Variants in NDE1 observed in about 807,000 individuals in gnomAD.
The protein encoded by NDE1 is nuclear distribution protein nudE homolog 1.
In NDE1, 28 loss-of-function variants were observed where a neutral mutation model predicts 43.4. The observed-to-expected ratio is 0.65, with a 90% CI of 0.48 to 0.89. The LOEUF (loss-of-function observed/expected upper bound fraction) is 0.89, where lower values mean the gene tolerates loss of function less well. NDE1 is among the 40% of genes least tolerant of loss of function. The pLI is 0.00. For synonymous variants in NDE1, 184 were observed against 172.0 expected, an observed-to-expected ratio of 1.07 and a Z score of -0.55; for missense variants, 441 against 434.1, an observed-to-expected ratio of 1.02 and a Z score of -0.14.
intron 4 of NDE1, chr16:15,684,539 G>A (rs187575199): frequency 2.7e-4 from 40 of 148,924 alleles, no homozygotes; most frequent in African/African-American, 8.7e-4. Context: ...GTTGCACTCC[G>A]CCTGGGTGAC....
chr16:15,681,735 C>CA (rs778053993), intron 4 of NDE1, among the ~76,000 whole-genome samples: 23 of 152,242 alleles, frequency 1.5e-4, no homozygotes, highest in Middle Eastern at 3.4e-3. Context: ...TGTTTTGAGT[C>CA]AGAGTCTTGC....
At chr16:15,667,884 A>G (rs961335839) in intron 3 of NDE1, among the ~76,000 whole-genome samples, 2 of 151,058 alleles carry the variant, frequency 1.3e-5, no homozygotes, top group African/African-American at 4.9e-5. Context: ...TGATGGGTGG[A>G]GCTTTGAGAA....
rs202231621 is a variant in NDE1, at chr16:15,720,967, G to A, written c.948-3224G>A. ...AGTTTGGCGTCCTCCGTGGCTTGCA[G>A]CTCGTCCTCCAGCTCTTCCAGCTGC... On this transcript the variant is annotated intron_variant, in intron 8 of 8. Coordinates refer to ENST00000396354, the MANE Select transcript of NDE1 (RefSeq NM_017668.3). 59 of 1,614,062 alleles carry A rather than the reference G, an allele frequency of 3.7e-5. No individual in the cohort carries two copies. In the African/African-American group the frequency reaches 6.9e-4, roughly 19 times the overall value.
chr16:15,667,385 CAG>C lies in NDE1; in HGVS notation c.187_188del (p.Asp63ProfsTer6). On this transcript the variant is annotated frameshift_variant, in exon 3 of 9. Transcript: ENST00000396354. LOFTEE classifies it high-confidence loss of function. ...AGCTGCAACAAATTGAAACCAGGAA[CAG>C]AGACCTCCTGTCCGAAAATAACCGC... ...TQLQQIETRNRDLLSENNRLR... is the reference protein window; with the variant it reads ...TQLQQIETRNXDLLSENNRLR... 6.2e-7 allele frequency: 1 copy of C among 1,613,980 alleles called. No individual in the cohort carries two copies. Among genetic ancestry groups the C allele is most frequent in the Non-Finnish European group, 8.5e-7 (1 of 1,179,956 alleles).
At chr16:15,643,411 C>A in exon 1 of NDE1, 1 of 474,284 alleles carries the variant, frequency 2.1e-6, no homozygotes, top group Non-Finnish European at 4.3e-6. Flanking sequence ...CCTGGCTTCA[C>A]GTTGTGGAGT....
chr16:15,721,395 C>T (rs375021991), intron 8 of NDE1: 40 of 1,612,490 alleles, frequency 2.5e-5, no homozygotes, highest in African/African-American at 1.7e-4. Flanking sequence ...GAAACATGGA[C>T]GAGAAAAACC....
chr16:15,647,571 C>T (rs1038328143), upstream of NDE1, among the ~76,000 whole-genome samples: 6 of 152,194 alleles, frequency 3.9e-5, no homozygotes, highest in African/African-American at 1.2e-4. Context: ...CCCGTTGTAT[C>T]AAATGGGCTT....
At chr16:15,719,087 C>T in intron 8 of NDE1, 1 of 850,304 alleles carries the variant, frequency 1.2e-6, no homozygotes, top group Non-Finnish European at 1.9e-6. Flanking sequence ...AAGATTGTGC[C>T]ACTGCCCTCC....
intron 1 of NDE1, among the ~76,000 whole-genome samples, chr16:15,655,480 C>T (rs1421972361): frequency 1.3e-5 from 2 of 152,182 alleles, no homozygotes; most frequent in Non-Finnish European, 2.9e-5. Context: ...AGGCAAAAAT[C>T]TTATACTTTT....
intron 8 of NDE1, chr16:15,697,135 C>A: frequency 1.1e-6 from 1 of 889,468 alleles, no homozygotes; most frequent in Non-Finnish European, 1.3e-6. Flanking sequence ...CCTCTGCCTC[C>A]CAGCTCAAAC....
chr16:15,720,214 C>G lies in NDE1; in HGVS notation c.948-3977C>G, dbSNP rs571540776. The G allele has an allele frequency of 1.6e-5, 26 of 1,614,028 alleles. No individual in the cohort carries two copies. The highest frequency in any genetic ancestry group is 2.0e-5 in the Non-Finnish European group (24 of 1,180,044). On this transcript the variant is annotated intron_variant, in intron 8 of 8. Coordinates refer to ENST00000396354, the MANE Select transcript of NDE1 (RefSeq NM_017668.3). ...CCTTGATGGCAGAGTCGGCCTGAAG[C>G]TCCAGGTCTTTCAGGTCCCCTTCCA...
intron 8 of NDE1, chr16:15,721,702 C>A (rs968946577): frequency 5.9e-6 from 9 of 1,531,044 alleles, no homozygotes; most frequent in African/African-American, 1.4e-5. Context: ...TTGTAAATAC[C>A]GGGGGAAGCC....
intron 8 of NDE1, chr16:15,718,108 C>T: frequency 2.6e-6 from 2 of 762,524 alleles, no homozygotes; most frequent in Non-Finnish European, 4.2e-6. Flanking sequence ...AAATGAGACA[C>T]TGCAGCGTGG....
chr16:15,718,693 C>T lies in NDE1; in HGVS notation c.948-5498C>T, dbSNP rs148305743. On this transcript the variant is annotated intron_variant, in intron 8 of 8. Coordinates refer to ENST00000396354, the MANE Select transcript of NDE1 (RefSeq NM_017668.3). ...TCCTCCCTGACTCTTCCTGGCCTCC[C>T]CTTCTCCCCACACAGCTACTTATTG... 980 of 574,484 alleles carry T rather than the reference C, an allele frequency of 1.7e-3. 7 individuals are homozygous for T. Among genetic ancestry groups the T allele is most frequent in the African/African-American group, 0.016 (868 of 53,496 alleles). 35.6% of individuals were successfully genotyped at this position (574,484 alleles called of 1,614,324 possible).
chr16:15,718,304 G>GC (rs769482248), intron 8 of NDE1: 1 of 1,608,214 alleles, frequency 6.2e-7, no homozygotes, highest in Non-Finnish European at 8.5e-7. Flanking sequence ...TGGTGTCCAG[G>GC]CGGCCCTCAC....
chr16:15,671,442 TGA>T (rs1250374538), intron 3 of NDE1, among the ~76,000 whole-genome samples: 1 of 152,122 alleles, frequency 6.6e-6, no homozygotes, highest in Non-Finnish European at 1.5e-5. Context: ...CCCAGGAGGT[TGA>T]GGCTGCAGTG....
chr16:15,673,547 A>ATT (rs34853720), intron 3 of NDE1, among the ~76,000 whole-genome samples: 7 of 137,638 alleles, frequency 5.1e-5, no homozygotes, highest in South Asian at 2.3e-4. Context: ...CAGGCTGGTG[A>ATT]TTTTTTTTTT....
At chr16:15,657,531 G>T (rs566781880) in intron 1 of NDE1, among the ~76,000 whole-genome samples, 2 of 152,262 alleles carry the variant, frequency 1.3e-5, no homozygotes, top group South Asian at 2.1e-4. Flanking sequence ...CTTGAGCAGG[G>T]ACTCCTTGGC....
rs562933047 is a variant in NDE1, at chr16:15,718,579, T to C, written c.948-5612T>C. 2.3e-5 allele frequency: 29 copies of C among 1,278,280 alleles called. No homozygotes were observed. In the East Asian group the frequency reaches 6.8e-4, roughly 30 times the overall value. The allele number at this position is 1,278,280 out of a possible 1,614,324, so 79.2% of individuals were successfully genotyped here. A position where few individuals can be genotyped will look rare whatever the true frequency, so the allele number is the denominator to read the frequency against. On this transcript the variant is annotated intron_variant, in intron 8 of 8. Transcript: ENST00000396354. ...GGCTTGGAGAAGATTAGAAGACTCATCTGTAGTTACACAGCCAGGAAGTGG... is the reference window on the plus strand; with the variant it reads ...GGCTTGGAGAAGATTAGAAGACTCACCTGTAGTTACACAGCCAGGAAGTGG...
Sources: allele counts gnomAD v4.1 joint callset (sites outside exome capture counted in the v4.1 genomes callset), GRCh38; gene constraint gnomAD v4.1.1; transcripts MANE v1.5; gene names NCBI Gene and HGNC (gene_info 2026-07-23, HGNC 2026-07-21).